MYOCD: variants seen among roughly 807,000 people sequenced by gnomAD.
The protein encoded by MYOCD is myocardin.
Under a neutral mutation model 96.1 loss-of-function variants are expected in MYOCD, and 32 were observed. That is an observed-to-expected ratio of 0.33 (90% CI 0.25 to 0.45). The LOEUF (loss-of-function observed/expected upper bound fraction) is 0.45. MYOCD is among the 20% of genes least tolerant of loss of function. The probability of loss-of-function intolerance (pLI) is 1.00; values close to 1 mark genes in which losing one functional copy is unlikely to be tolerated. For missense variants in MYOCD, 1,133 were observed against 1,200.6 expected (o/e 0.94, Z 0.83); for synonymous variants, 469 against 469.0 (o/e 1.00, Z 0.00).
At chr17:12,734,917 T>G (rs1048008058) in intron 5 of MYOCD, among the ~76,000 whole-genome samples, 1 of 152,184 alleles carries the variant, frequency 6.6e-6, no homozygotes, top group Non-Finnish European at 1.5e-5. Flanking sequence ...GCAGAAATGC[T>G]CAGCCCCAAA....
At position 12,765,607 on chromosome 17, in the gene MYOCD, G is replaced by C. The variant is rs1010293807; in HGVS notation, c.*1963G>C. 6.6e-6 allele frequency: 1 copy of C among 150,818 alleles called. No individual in the cohort carries two copies. The highest frequency in any genetic ancestry group is 1.5e-5 in the Non-Finnish European group (1 of 67,638). 9.3% of individuals were successfully genotyped at this position (150,818 alleles called of 1,614,324 possible). A position where few individuals can be genotyped will look rare whatever the true frequency, so the allele number is the denominator to read the frequency against. On this transcript the variant is annotated 3_prime_UTR_variant, in exon 14 of 14. Coordinates refer to ENST00000425538, the MANE Select transcript of MYOCD (RefSeq NM_001146312.3). ...TCTGTGTGTGCATGTATCTCCAAAA[G>C]CGGCGTTACAGAGTTCTACACCAAA... is the stretch of plus-strand genomic sequence containing the variant.
chr17:12,672,333 C>A (rs781114876), intron 1 of MYOCD: 2 of 152,180 alleles, frequency 1.3e-5, no homozygotes, highest in Non-Finnish European at 2.9e-5. Context: ...GGATTAATAA[C>A]AACAACCATG....
At chr17:12,715,739 T>C (rs951149725) in intron 3 of MYOCD, among the ~76,000 whole-genome samples, 165 bp downstream of exon 3, 3 of 152,204 alleles carry the variant, frequency 2.0e-5, no homozygotes, top group African/African-American at 7.2e-5. Context: ...CCGGTAACTA[T>C]AGAAATAGGA....
chr17:12,763,258 T>C lies in MYOCD; in HGVS notation c.2575T>C (p.Leu859=). The C allele has an allele frequency of 6.2e-7, 1 of 1,613,840 alleles. No individual in the cohort carries two copies. The highest frequency in any genetic ancestry group is 8.5e-7 in the Non-Finnish European group (1 of 1,179,870). The stretch of plus-strand genomic sequence containing the variant: ...CAGTGATGAGCATCTTGAAGTCTTA[T>C]TAAATTCCCAGAGCCCCCTAGGAAA... The part of the protein sequence containing the change: ...TDSDEHLEVL[L]NSQSPLGKMS... Residue 859 remains leucine (L), a synonymous_variant, in exon 14 of 14, where the codon TTA becomes CTA. Coordinates refer to ENST00000425538, the MANE Select transcript of MYOCD (RefSeq NM_001146312.3).
At chr17:12,707,606 C>T (rs7221838) in intron 2 of MYOCD, among the ~76,000 whole-genome samples, 57,020 of 151,746 alleles carry the variant, frequency 0.38, 12,577 homozygotes, top group African/African-American at 0.62. Flanking sequence ...CCCAGCTACT[C>T]GGGAGGCTGA....
intron 1 of MYOCD, among the ~76,000 whole-genome samples, chr17:12,681,398 A>G (rs949335426): frequency 6.6e-6 from 1 of 152,220 alleles, no homozygotes; most frequent in Non-Finnish European, 1.5e-5. Flanking sequence ...TTGAGGCATG[A>G]ATTAGTCTTC....
chr17:12,757,531 C>CT (rs2150725215), intron 11 of MYOCD, among the ~76,000 whole-genome samples: 1 of 152,290 alleles, frequency 6.6e-6, no homozygotes, highest in South Asian at 2.1e-4. Context: ...CAGTCTCACT[C>CT]TGTCGGCCAG....
intron 1 of MYOCD, among the ~76,000 whole-genome samples, chr17:12,684,050 C>G (rs2150645095): frequency 6.6e-6 from 1 of 152,276 alleles, no homozygotes; most frequent in East Asian, 1.9e-4. Context: ...AAAGTCTGAT[C>G]AAAGAGTGTG....
intron 5 of MYOCD, among the ~76,000 whole-genome samples, chr17:12,732,236 G>A (rs932654184): frequency 2.0e-5 from 3 of 152,144 alleles, no homozygotes; most frequent in Admixed American, 6.5e-5. Context: ...TGTCTCTCCA[G>A]GGGTTGGCTC....
chr17:12,701,316 G>A (rs530323113), intron 1 of MYOCD, among the ~76,000 whole-genome samples: 2 of 152,244 alleles, frequency 1.3e-5, no homozygotes, highest in Non-Finnish European at 2.9e-5. Context: ...GGAGGAAGAG[G>A]CAGGGGAATC....
intron 1 of MYOCD, among the ~76,000 whole-genome samples, chr17:12,674,226 C>T (rs1406026932): frequency 6.6e-6 from 1 of 152,150 alleles, no homozygotes; most frequent in Non-Finnish European, 1.5e-5. Flanking sequence ...CTATTATAAC[C>T]TGCAGCTCCT....
intron 1 of MYOCD, among the ~76,000 whole-genome samples, chr17:12,696,031 A>T (rs1725024207): frequency 1.3e-5 from 2 of 152,012 alleles, no homozygotes; most frequent in South Asian, 4.2e-4. Context: ...CTTCCTTTTA[A>T]GGCTGAATAA....
chr17:12,751,973 T>TCCC (rs2032864465), intron 9 of MYOCD, among the ~76,000 whole-genome samples: 1 of 152,112 alleles, frequency 6.6e-6, no homozygotes, highest in Admixed American at 6.5e-5. Flanking sequence ...ATGTTCAGGT[T>TCCC]TGAGGAAGAG....
At chr17:12,685,604 TA>T (rs66632617) in intron 1 of MYOCD, among the ~76,000 whole-genome samples, 110,649 of 143,986 alleles carry the variant, frequency 0.77, 44,404 homozygotes, top group Non-Finnish European at 0.88. Flanking sequence ...GAGACTGGCT[TA>T]AAAAAAAAAA....
In MYOCD at chr17:12,767,916, C is replaced by T. The variant is rs2033382999; in HGVS notation, c.*4272C>T. ...ACAAAAGGGACACTTACTGGTGAGC[C>T]TCTGGCCCTTAAAAGAAAATCATCT... On this transcript the variant is annotated 3_prime_UTR_variant, in exon 14 of 14. Transcript: ENST00000425538. The T allele has an allele frequency of 6.6e-6, 1 of 152,126 alleles. No homozygotes were observed. The highest frequency in any genetic ancestry group is 6.6e-5 in the Admixed American group (1 of 15,260). The allele number at this position is 152,126 out of a possible 1,614,324, so 9.4% of individuals were successfully genotyped here.
chr17:12,701,017 A>G (rs1483076772), intron 1 of MYOCD, among the ~76,000 whole-genome samples: 3 of 152,180 alleles, frequency 2.0e-5, no homozygotes, highest in Non-Finnish European at 2.9e-5. Flanking sequence ...GTTTTCACGA[A>G]ATGTGTCCAC....
intron 12 of MYOCD, among the ~76,000 whole-genome samples, chr17:12,758,878 A>C (rs1158085689): frequency 6.6e-6 from 1 of 152,094 alleles, no homozygotes. Flanking sequence ...GTGAGACCCC[A>C]TCTCTACTAA....
intron 1 of MYOCD, among the ~76,000 whole-genome samples, chr17:12,686,572 G>T (rs1451468702): frequency 1.3e-5 from 2 of 152,192 alleles, no homozygotes; most frequent in Admixed American, 6.5e-5. Flanking sequence ...TATAAAGAAG[G>T]TTTCCATTTA....
chr17:12,677,267 A>C (rs1360586354), intron 1 of MYOCD, among the ~76,000 whole-genome samples: 1 of 152,058 alleles, frequency 6.6e-6, no homozygotes, highest in Non-Finnish European at 1.5e-5. Flanking sequence ...GGAGGATGGG[A>C]GGAGGGAGTG....
Sources: allele counts gnomAD v4.1 joint callset (sites outside exome capture counted in the v4.1 genomes callset), GRCh38; gene constraint gnomAD v4.1.1; transcripts MANE v1.5; gene names NCBI Gene and HGNC (gene_info 2026-07-23, HGNC 2026-07-21).